Variants in MBNL2 observed in about 807,000 individuals in gnomAD.
The protein encoded by MBNL2 is muscleblind-like protein 2.
In MBNL2, 17 loss-of-function variants were observed where a neutral mutation model predicts 41.9. The observed-to-expected ratio is 0.41, with a 90% CI of 0.28 to 0.61. The LOEUF (loss-of-function observed/expected upper bound fraction) is 0.61. MBNL2 is among the 20% of genes least tolerant of loss of function. The pLI is 0.35. For missense variants in MBNL2, 336 were observed against 505.6 expected, an observed-to-expected ratio of 0.66 and a Z score of 3.22; for synonymous variants, 195 against 182.9, an observed-to-expected ratio of 1.07 and a Z score of -0.53.
At chr13:97,265,502 T>G (rs1284785179) in intron 1 of MBNL2, among the ~76,000 whole-genome samples, 1 of 152,336 alleles carries the variant, frequency 6.6e-6, no homozygotes, top group Non-Finnish European at 1.5e-5. Flanking sequence ...AGACAGTCTA[T>G]CAAGGGCGTG....
At chr13:97,307,313 A>AT (rs1460199716) in intron 2 of MBNL2, among the ~76,000 whole-genome samples, 1 of 151,682 alleles carries the variant, frequency 6.6e-6, no homozygotes, top group African/African-American at 2.4e-5. Flanking sequence ...ACTTCCATTG[A>AT]TTTTTCCACT....
At chr13:97,363,055 C>G (rs144275099) in intron 7 of MBNL2, 1 of 152,228 alleles carries the variant, frequency 6.6e-6, no homozygotes, top group Non-Finnish European at 1.5e-5. Context: ...GCTTAGCTTC[C>G]GAGATCAGAC....
intron 5 of MBNL2, among the ~76,000 whole-genome samples, chr13:97,352,820 T>C (rs2062623627): frequency 6.6e-6 from 1 of 152,226 alleles, no homozygotes; most frequent in South Asian, 2.1e-4. Context: ...GTACTAATAG[T>C]GACCTTAGGG....
intron 2 of MBNL2, among the ~76,000 whole-genome samples, chr13:97,316,865 G>A (rs549783084): frequency 6.6e-6 from 1 of 152,174 alleles, no homozygotes; most frequent in South Asian, 2.1e-4. Flanking sequence ...CCCCTAACTA[G>A]AAGCTAAGTT....
At position 97,352,539 on chromosome 13, in the gene MBNL2, C is replaced by T. The variant is rs549569080; in HGVS notation, c.805-4257C>T. Among the ~76,000 whole-genome samples the T allele has an allele frequency of 4.6e-5, 7 of 151,910 alleles. No individual in the cohort carries two copies. In the East Asian group the frequency reaches 1.4e-3, roughly 29 times the overall value. On this transcript the variant is annotated intron_variant, in intron 5 of 8. Coordinates refer to ENST00000679496, the MANE Select transcript of MBNL2 (RefSeq NM_001382683.1). ...AAGTTTGTGGCATGGTTCATGGTGC[C>T]CCAAAACAATTAAAATAGTACATCA...
the MBNL2 span, among the ~76,000 whole-genome samples, chr13:97,142,379 A>G: frequency 6.6e-6 from 1 of 152,238 alleles, no homozygotes; most frequent in Non-Finnish European, 1.5e-5. Flanking sequence ...CTCAATTATA[A>G]ATAGAATCAT....
At chr13:97,248,468 T>C (rs1391724749) in intron 1 of MBNL2, among the ~76,000 whole-genome samples, 1 of 152,184 alleles carries the variant, frequency 6.6e-6, no homozygotes, top group Non-Finnish European at 1.5e-5. Context: ...GTTGAGGCTC[T>C]TGTACATGGG....
intron 8 of MBNL2, among the ~76,000 whole-genome samples, chr13:97,389,051 T>C (rs543040451): frequency 4.6e-5 from 7 of 151,592 alleles, no homozygotes; most frequent in African/African-American, 1.7e-4. Flanking sequence ...GAGAGTTCAA[T>C]AGTCCCAGGG....
At chr13:97,328,404 C>T (rs984196814) in intron 2 of MBNL2, among the ~76,000 whole-genome samples, 4 of 152,164 alleles carry the variant, frequency 2.6e-5, no homozygotes, top group African/African-American at 9.7e-5. Flanking sequence ...CTGAAGGCTG[C>T]GTCTAAAGCA....
At chr13:97,283,277 C>G (rs570060235) in intron 2 of MBNL2, among the ~76,000 whole-genome samples, 3 of 152,284 alleles carry the variant, frequency 2.0e-5, no homozygotes, top group African/African-American at 7.2e-5. Flanking sequence ...ATTCATTTCC[C>G]ACCTCTGTGC....
chr13:97,267,359 A>C (rs1327211612), intron 1 of MBNL2, among the ~76,000 whole-genome samples: 1 of 152,256 alleles, frequency 6.6e-6, no homozygotes, highest in Non-Finnish European at 1.5e-5. Flanking sequence ...GTGTCATGTA[A>C]GTAAAGACCC....
At chr13:97,390,759 C>T (rs2066336987) in intron 8 of MBNL2, among the ~76,000 whole-genome samples, 1 of 152,116 alleles carries the variant, frequency 6.6e-6, no homozygotes, top group Non-Finnish European at 1.5e-5. Flanking sequence ...TGATATGTGA[C>T]ATTTAAATAT....
intron 7 of MBNL2, among the ~76,000 whole-genome samples, chr13:97,358,184 T>C (rs565131987): frequency 2.0e-5 from 3 of 152,336 alleles, no homozygotes; most frequent in South Asian, 4.1e-4. Flanking sequence ...CAATGCCTGA[T>C]ACTATTACGT....
chr13:97,339,463 C>T (rs1480728965), intron 3 of MBNL2, among the ~76,000 whole-genome samples: 3 of 152,120 alleles, frequency 2.0e-5, no homozygotes, highest in Non-Finnish European at 4.4e-5. Flanking sequence ...TGTCCTCTGG[C>T]CTTTTTAGCT....
At chr13:97,168,235 A>G in the MBNL2 span, among the ~76,000 whole-genome samples, 64 of 152,176 alleles carry the variant, frequency 4.2e-4, no homozygotes, top group Non-Finnish European at 5.4e-4. Flanking sequence ...AAGTGCTGGG[A>G]TTACAGGTGT....
chr13:97,161,585 C>G, the MBNL2 span, among the ~76,000 whole-genome samples: 1 of 152,168 alleles, frequency 6.6e-6, no homozygotes, highest in African/African-American at 2.4e-5. Context: ...ATAATTAATA[C>G]TATAACTGTA....
At chr13:97,373,618 ATATATATT>A (rs1045505839) in intron 8 of MBNL2, among the ~76,000 whole-genome samples, 8 of 150,186 alleles carry the variant, frequency 5.3e-5, no homozygotes, top group African/African-American at 2.0e-4. Context: ...ATATATATAT[ATATATATT>A]AAGGGTAGGA....
At chr13:97,279,853 A>G (rs2052995809) in intron 2 of MBNL2, among the ~76,000 whole-genome samples, 2 of 152,240 alleles carry the variant, frequency 1.3e-5, no homozygotes, top group South Asian at 4.1e-4. Flanking sequence ...TTATACATAT[A>G]TAAATGCATT....
the MBNL2 span, among the ~76,000 whole-genome samples, chr13:97,158,502 G>A: frequency 6.6e-6 from 1 of 151,640 alleles, no homozygotes; most frequent in African/African-American, 2.4e-5. Flanking sequence ...TGTCAATTTT[G>A]GATCTTTCCT....
Sources: gnomAD v4.1 joint callset for allele counts (sites outside exome capture counted in the v4.1 genomes callset) on GRCh38, gnomAD v4.1.1 for gene constraint, MANE v1.5 for transcripts, NCBI Gene and HGNC (gene_info 2026-07-23, HGNC 2026-07-21) for gene names.